MYO1H: variants seen among roughly 807,000 people sequenced by gnomAD.
MYO1H encodes myosin IH.
A neutral mutation model predicts 149.3 loss-of-function variants in MYO1H; 118 were observed. That is an observed-to-expected ratio of 0.79 (90% confidence interval 0.68 to 0.92). MYO1H has a LOEUF of 0.92. Ranked by LOEUF, MYO1H falls within the 40% of genes least tolerant of loss-of-function variation. The pLI, the probability that MYO1H is intolerant of heterozygous loss-of-function variation, is 0.00. For missense variants in MYO1H, 1,212 were observed against 1,280.7 expected (o/e 0.95, Z 0.82); for synonymous variants, 447 against 465.2 (o/e 0.96, Z 0.50).
At chr12:109,439,830 C>A in intron 24 of MYO1H, 40 bp downstream of exon 24, 1 of 1,570,430 alleles carries the variant, frequency 6.4e-7, no homozygotes. Context: ...GTAAGTAGCA[C>A]GGGCACTGAC....
chr12:109,426,878 C>A (rs930642821), intron 18 of MYO1H, among the ~76,000 whole-genome samples: 5 of 152,146 alleles, frequency 3.3e-5, no homozygotes, highest in Admixed American at 2.6e-4. Context: ...GGAGAAGGCA[C>A]ATTCTGTCTA....
At chr12:109,363,669 G>A (rs919543688) in intron 1 of MYO1H, among the ~76,000 whole-genome samples, 4 of 151,872 alleles carry the variant, frequency 2.6e-5, no homozygotes, top group South Asian at 4.2e-4. Flanking sequence ...CTGAGATCAC[G>A]CCATTGCACT....
chr12:109,345,989 G>T (rs964383054), upstream of MYO1H, among the ~76,000 whole-genome samples: 3 of 152,144 alleles, frequency 2.0e-5, no homozygotes, highest in Non-Finnish European at 2.9e-5. Flanking sequence ...TTTCTTTTGG[G>T]GGTCATGAAA....
intron 31 of MYO1H, chr12:109,446,431 GTC>G: frequency 1.0e-6 from 1 of 985,404 alleles, no homozygotes; most frequent in Non-Finnish European, 1.2e-6. Flanking sequence ...AACATGGAGT[GTC>G]TCATACACAT....
chr12:109,313,887 T>TTTCTC, the MYO1H span, among the ~76,000 whole-genome samples: 1 of 152,184 alleles, frequency 6.6e-6, no homozygotes, highest in African/African-American at 2.4e-5. Flanking sequence ...TGGAGTTTTT[T>TTTCTC]GTTTCTCGTT....
At chr12:109,396,476 C>G (rs570530331) in exon 4 of MYO1H, 23 of 1,613,906 alleles carry the variant, frequency 1.4e-5, no homozygotes, top group Non-Finnish European at 1.9e-5. Flanking sequence ...GCAGGGAAAA[C>G]AGAGGCCTCC....
chr12:109,435,344 T>TTC (rs1458343936), intron 21 of MYO1H, among the ~76,000 whole-genome samples: 1 of 152,016 alleles, frequency 6.6e-6, no homozygotes, highest in Non-Finnish European at 1.5e-5. Flanking sequence ...GCCGTTTCAG[T>TTC]TCTCGTTTGG....
At chr12:109,314,770 G>A in the MYO1H span, among the ~76,000 whole-genome samples, 2 of 152,124 alleles carry the variant, frequency 1.3e-5, no homozygotes, top group Non-Finnish European at 2.9e-5. Context: ...TTCTAAAGGC[G>A]CTTCTCCTTG....
rs1478532257 is a variant in MYO1H at position 109,443,187 on chromosome 12, T to C, written c.2689-327T>C. On this transcript the variant is annotated intron_variant, in intron 27 of 31. Coordinates refer to ENST00000310903, the Ensembl canonical transcript of MYO1H. ...ATATGTGTACGTATGTGTGTATATG[T>C]GTACGTATATGTGTGTATATGTGTA... Among the ~76,000 whole-genome samples the C allele has an allele frequency of 1.7e-4, 23 of 138,220 alleles. 7 individuals carry two copies. 90.7% of individuals were successfully genotyped at this position (138,220 alleles called of 152,430 possible). A position where few individuals can be genotyped will look rare whatever the true frequency, so the allele number is the denominator to read the frequency against.
rs187484218 is a variant in MYO1H, at chr12:109,398,937, C to T, written c.570+1125C>T. ...AGCATGAAAGCAGCCATGGACAATG[C>T]GTAAGTGAATGAGCGTAGCTGTGTT... On this transcript the variant is annotated intron_variant, in intron 5 of 31. Transcript: ENST00000310903. Among the ~76,000 whole-genome samples the T allele has an allele frequency of 6.9e-4, 105 of 152,074 alleles. 1 individual carries two copies. Among genetic ancestry groups the T allele is most frequent in the African/African-American group, 2.4e-3 (101 of 41,512 alleles).
intron 5 of MYO1H, among the ~76,000 whole-genome samples, chr12:109,399,182 T>A (rs1490394745): frequency 6.6e-6 from 1 of 152,068 alleles, no homozygotes; most frequent in East Asian, 1.9e-4. Context: ...TATTTGAAAA[T>A]TTTTTTGAAA....
intron 1 of MYO1H, chr12:109,354,221 G>A (rs182485597): frequency 4.5e-4 from 68 of 152,202 alleles, no homozygotes; most frequent in Middle Eastern, 3.4e-3. Flanking sequence ...TTTATTTCTT[G>A]CATATTTGTC....
At chr12:109,314,131 C>T in the MYO1H span, among the ~76,000 whole-genome samples, 4 of 151,830 alleles carry the variant, frequency 2.6e-5, no homozygotes, top group East Asian at 1.9e-4. Context: ...GTGGTCTGCT[C>T]GCCTTGACCT....
chr12:109,362,203 A>G (rs953172609), intron 1 of MYO1H, among the ~76,000 whole-genome samples: 1 of 152,220 alleles, frequency 6.6e-6, no homozygotes, highest in Admixed American at 6.5e-5. Context: ...TAACATAAAC[A>G]TGAGCTGTGT....
rs1016142362 is a variant in MYO1H, at chr12:109,373,204, C to G, written c.13-15479C>G. Among the ~76,000 whole-genome samples the G allele has an allele frequency of 2.0e-5, 3 of 151,998 alleles. No homozygotes were observed. The South Asian group carries it at 6.2e-4, about 31-fold the overall frequency. On this transcript the variant is annotated intron_variant, in intron 1 of 31. Transcript: ENST00000310903. ...TCTCCAATGTTTCTATTTTGATTTC[C>G]TCCTCTTATCTAATTGCATTGGCCA...
chr12:109,349,209 T>C (rs1321341479), intron 1 of MYO1H, among the ~76,000 whole-genome samples: 1 of 152,202 alleles, frequency 6.6e-6, no homozygotes, highest in Non-Finnish European at 1.5e-5. Context: ...TTTTTTAAAT[T>C]GTCATGGCTT....
chr12:109,424,745 C>G lies in MYO1H; in HGVS notation c.1645-3C>G. ...CGTGGTACTCATTTCTCTTCACTTA[C>G]AGGTGCTGTGCAAGTCCAAGAACAT... On this transcript the variant is annotated splice_region_variant and splice_polypyrimidine_tract_variant and intron_variant, in intron 16 of 31. Transcript: ENST00000310903. 2 of 1,613,146 alleles carry G rather than the reference C, an allele frequency of 1.2e-6. No homozygotes were observed. The highest frequency in any genetic ancestry group is 1.7e-6 in the Non-Finnish European group (2 of 1,179,200).
At chr12:109,421,113 ATTT>A in intron 16 of MYO1H, 86 bp downstream of exon 16, 9 of 755,882 alleles carry the variant, frequency 1.2e-5, no homozygotes, top group Non-Finnish European at 1.5e-5. Context: ...CGCCTTCTGG[ATTT>A]TTTTTTTTTC....
the MYO1H span, among the ~76,000 whole-genome samples, chr12:109,339,799 T>A: frequency 6.6e-6 from 1 of 152,142 alleles, no homozygotes; most frequent in Non-Finnish European, 1.5e-5. Flanking sequence ...TAGGCAACAA[T>A]CAAAACTTGA....
Sources: gnomAD v4.1 joint callset for allele counts (sites outside exome capture counted in the v4.1 genomes callset) on GRCh38, gnomAD v4.1.1 for gene constraint, MANE v1.5 for transcripts, NCBI Gene and HGNC (gene_info 2026-07-23, HGNC 2026-07-21) for gene names.